The following BTG4 variants were observed in gnomAD, a reference collection of about 807,000 sequenced individuals.
BTG4 encodes the protein BTG anti-proliferation factor 4.
Under a neutral mutation model 19.3 loss-of-function variants are expected in BTG4, and 10 were observed. The ratio of observed to expected loss-of-function variants is 0.52; its 90% confidence interval spans 0.32 to 0.88. BTG4 has a LOEUF of 0.88. Among genes scored for constraint, BTG4 ranks in the 40% least tolerant of loss-of-function variants. BTG4 has a pLI of 0.04. For missense variants in BTG4, 238 were observed against 281.9 expected (o/e 0.84, Z 1.11); for synonymous variants, 91 against 95.7 (o/e 0.95, Z 0.29).
chr11:111,472,713 A>G (rs1489132275), intron 5 of BTG4, among the ~76,000 whole-genome samples: 7 of 152,314 alleles, frequency 4.6e-5, no homozygotes, highest in African/African-American at 1.7e-4. Context: ...AACACACTAC[A>G]TAATTTACTT....
intron 1 of BTG4, 82 bp downstream of exon 1, chr11:111,512,099 C>G (rs1428945945): frequency 6.6e-6 from 1 of 152,198 alleles, no homozygotes; most frequent in Non-Finnish European, 1.5e-5. Context: ...GCAGATGAGA[C>G]TCTCCAAGCC....
the BTG4 span, among the ~76,000 whole-genome samples, chr11:111,415,607 G>A: frequency 0.04 from 6,130 of 152,248 alleles, 132 homozygotes; most frequent in Middle Eastern, 0.14. Context: ...CCTAAGGATG[G>A]CCTTTCCCAA....
At chr11:111,502,632 A>T (rs1347950022) in intron 1 of BTG4, among the ~76,000 whole-genome samples, 1 of 152,214 alleles carries the variant, frequency 6.6e-6, no homozygotes, top group Non-Finnish European at 1.5e-5. Context: ...ATGCATTAAC[A>T]AACACAAAAT....
downstream of BTG4, among the ~76,000 whole-genome samples, chr11:111,494,158 G>A (rs1288099968): frequency 6.6e-6 from 1 of 152,172 alleles, no homozygotes. Flanking sequence ...AGAAGGGAGG[G>A]ATAAAGTTTT....
chr11:111,457,789 C>T, the BTG4 span: 1 of 152,026 alleles, frequency 6.6e-6, no homozygotes, highest in South Asian at 2.1e-4. Context: ...GCCACACCTG[C>T]CTACATCCCT....
At chr11:111,513,031 G>A (rs72550778), upstream of BTG4, 11,739 of 459,468 alleles carry the variant, frequency 0.026, 261 homozygotes, top group Middle Eastern at 0.094. Flanking sequence ...CAGCATCACC[G>A]CCGCCCGGCC....
chr11:111,444,896 G>A, the BTG4 span, among the ~76,000 whole-genome samples: 12 of 152,132 alleles, frequency 7.9e-5, no homozygotes, highest in Non-Finnish European at 1.8e-4. Flanking sequence ...AGGCAGGGGA[G>A]TGGTCAGGCT....
the BTG4 span, among the ~76,000 whole-genome samples, chr11:111,398,777 T>A: frequency 2.0e-5 from 3 of 151,566 alleles, no homozygotes; most frequent in African/African-American, 7.3e-5. Flanking sequence ...ACCTGTGGAG[T>A]TTTGTTTTTG....
chr11:111,430,159 C>T, the BTG4 span, among the ~76,000 whole-genome samples: 1 of 152,168 alleles, frequency 6.6e-6, no homozygotes, highest in Non-Finnish European at 1.5e-5. Context: ...CATGATACAG[C>T]CTCAGGAAGT....
chr11:111,477,322 T>C (rs1864452500), intron 5 of BTG4, among the ~76,000 whole-genome samples: 1 of 152,248 alleles, frequency 6.6e-6, no homozygotes, highest in African/African-American at 2.4e-5. Flanking sequence ...ATTCTAGTTA[T>C]CTGTAAGGAA....
At chr11:111,484,829 A>G (rs950545778) in intron 5 of BTG4, among the ~76,000 whole-genome samples, 1 of 152,168 alleles carries the variant, frequency 6.6e-6, no homozygotes, top group Admixed American at 6.6e-5. Context: ...CAATCAAAAG[A>G]CATACAGTGG....
chr11:111,470,934 A>G (rs1864026562), intron 5 of BTG4, among the ~76,000 whole-genome samples: 1 of 152,194 alleles, frequency 6.6e-6, no homozygotes, highest in Non-Finnish European at 1.5e-5. Context: ...ATCTCAAAAA[A>G]TACAATAAAA....
At chr11:111,396,531 T>C in the BTG4 span, among the ~76,000 whole-genome samples, 1 of 152,244 alleles carries the variant, frequency 6.6e-6, no homozygotes, top group Non-Finnish European at 1.5e-5. Context: ...TTTTCTGTTA[T>C]GTCTGAGGGT....
chr11:111,453,664 AG>A, the BTG4 span: 1 of 376,752 alleles, frequency 2.7e-6, no homozygotes, highest in Non-Finnish European at 5.3e-6. Context: ...CCATCTTCCA[AG>A]ATTGCTCAAT....
the BTG4 span, among the ~76,000 whole-genome samples, chr11:111,440,259 C>A: frequency 6.6e-5 from 10 of 152,168 alleles, no homozygotes; most frequent in African/African-American, 2.4e-4. Context: ...AAGCTTCAAG[C>A]CTTCACATGA....
the BTG4 span, among the ~76,000 whole-genome samples, chr11:111,393,451 G>A: frequency 6.6e-6 from 1 of 152,192 alleles, no homozygotes; most frequent in Admixed American, 6.5e-5. Context: ...ACACACTGAA[G>A]ACCGGTGGTA....
the BTG4 span, among the ~76,000 whole-genome samples, chr11:111,432,973 T>A: frequency 6.6e-6 from 1 of 152,078 alleles, no homozygotes. Context: ...ATTACAGGCA[T>A]AAGCCACCAT....
the BTG4 span, among the ~76,000 whole-genome samples, chr11:111,461,286 G>A: frequency 1.3e-5 from 2 of 152,200 alleles, no homozygotes; most frequent in African/African-American, 4.8e-5. Context: ...TCACAGGTCA[G>A]TATGTCTTCA....
At chr11:111,420,862 A>G in the BTG4 span, among the ~76,000 whole-genome samples, 5 of 152,338 alleles carry the variant, frequency 3.3e-5, no homozygotes, top group South Asian at 1.0e-3. Flanking sequence ...AATCAATTAT[A>G]CAATTCAAAA....
Sources: gnomAD v4.1 joint callset for allele counts (sites outside exome capture counted in the v4.1 genomes callset) on GRCh38, gnomAD v4.1.1 for gene constraint, MANE v1.5 for transcripts, NCBI Gene and HGNC (gene_info 2026-07-23, HGNC 2026-07-21) for gene names.